GUCY1A2: variants seen among roughly 807,000 people sequenced by gnomAD.
GUCY1A2 encodes guanylate cyclase 1 soluble subunit alpha 2, also known as guanylate cyclase soluble subunit alpha-2.
Under a neutral mutation model 63.5 loss-of-function variants are expected in GUCY1A2, and 27 were observed. That is an observed-to-expected ratio of 0.43 (90% CI 0.31 to 0.59). The LOEUF is 0.59. Among genes scored for constraint, GUCY1A2 ranks in the 20% least tolerant of loss-of-function variants. The pLI, the probability that GUCY1A2 is intolerant of heterozygous loss-of-function variation, is 0.11. For missense variants in GUCY1A2, 768 were observed against 913.3 expected (o/e 0.84, Z 2.05); for synonymous variants, 364 against 343.5 (o/e 1.06, Z -0.66).
intron 3 of GUCY1A2, among the ~76,000 whole-genome samples, chr11:106,946,794 G>A (rs1042375982): frequency 6.6e-5 from 10 of 152,078 alleles, no homozygotes; most frequent in Admixed American, 5.2e-4. Context: ...TTGTAGTGAT[G>A]GTTGCAAAAC....
intron 4 of GUCY1A2, among the ~76,000 whole-genome samples, chr11:106,932,265 T>G (rs1860613522): frequency 6.6e-6 from 1 of 152,096 alleles, no homozygotes. Flanking sequence ...AAATAAGCAC[T>G]TTAAGCCTAT....
chr11:106,849,004 T>C (rs971433088), intron 4 of GUCY1A2, among the ~76,000 whole-genome samples: 2 of 151,652 alleles, frequency 1.3e-5, no homozygotes, highest in Non-Finnish European at 3.0e-5. Flanking sequence ...CCATTTTCTG[T>C]ACAAAAATGA....
chr11:106,773,191 A>T (rs11211909), intron 6 of GUCY1A2, among the ~76,000 whole-genome samples: 143,892 of 151,096 alleles, frequency 0.95, 68,589 homozygotes, highest in East Asian at 1. Context: ...CATTCCTTTT[A>T]TTTTTTACAC....
chr11:106,808,316 GATT>G (rs1858719579), intron 5 of GUCY1A2, among the ~76,000 whole-genome samples: 1 of 152,000 alleles, frequency 6.6e-6, no homozygotes, highest in African/African-American at 2.4e-5. Flanking sequence ...AAAACTTGTT[GATT>G]ATTATTCATG....
intron 5 of GUCY1A2, among the ~76,000 whole-genome samples, chr11:106,799,618 C>A (rs1212978418): frequency 6.6e-6 from 1 of 152,060 alleles, no homozygotes; most frequent in Admixed American, 6.6e-5. Flanking sequence ...TTTGACAAAC[C>A]TGACAAAAAC....
At chr11:106,822,095 T>C (rs891946365) in intron 4 of GUCY1A2, among the ~76,000 whole-genome samples, 2 of 152,112 alleles carry the variant, frequency 1.3e-5, no homozygotes, top group Admixed American at 6.5e-5. Flanking sequence ...TAAGCAGAAT[T>C]AAGAAAATTT....
chr11:106,719,860 T>G lies in GUCY1A2; in HGVS notation c.1837-11194A>C, dbSNP rs1243119969. On this transcript the variant is annotated intron_variant, in intron 6 of 7. Transcript: ENST00000526355. ...AATCACTTAATGTTTTACAGATATA[T>G]TCACAAATAATCAATACTGCAGGAT... Among the ~76,000 whole-genome samples, 6 of 152,198 alleles carry G rather than the reference T, an allele frequency of 3.9e-5. No individual in the cohort carries two copies. The East Asian group carries it at 1.2e-3, about 29-fold the overall frequency.
At chr11:106,735,237 T>C (rs374068403) in intron 6 of GUCY1A2, among the ~76,000 whole-genome samples, 16 of 152,264 alleles carry the variant, frequency 1.1e-4, no homozygotes, top group African/African-American at 3.9e-4. Context: ...ATCTTATTCA[T>C]TGTATCTAAG....
At chr11:106,919,322 G>A (rs1483024252) in intron 4 of GUCY1A2, among the ~76,000 whole-genome samples, 9 of 152,086 alleles carry the variant, frequency 5.9e-5, no homozygotes, top group Non-Finnish European at 8.8e-5. Flanking sequence ...GATGACTATA[G>A]TTAACAATAC....
intron 4 of GUCY1A2, among the ~76,000 whole-genome samples, chr11:106,930,103 G>A (rs1204020319): frequency 1.3e-5 from 2 of 152,136 alleles, no homozygotes; most frequent in Non-Finnish European, 2.9e-5. Flanking sequence ...AAACAACTAA[G>A]GGAATGTTTA....
chr11:106,762,323 C>T (rs866014174), intron 6 of GUCY1A2, among the ~76,000 whole-genome samples: 2 of 152,134 alleles, frequency 1.3e-5, no homozygotes, highest in Middle Eastern at 6.8e-3. Context: ...GAGATAAAAA[C>T]TATAATCATC....
chr11:106,970,320 T>C (rs946532704), intron 3 of GUCY1A2, among the ~76,000 whole-genome samples: 3 of 152,200 alleles, frequency 2.0e-5, no homozygotes, highest in African/African-American at 7.2e-5. Context: ...TTATTGTTAC[T>C]AAGCAAAAGA....
chr11:106,867,174 A>C (rs1462820304), intron 4 of GUCY1A2, among the ~76,000 whole-genome samples: 1 of 152,104 alleles, frequency 6.6e-6, no homozygotes, highest in Non-Finnish European at 1.5e-5. Context: ...TATGTTTATT[A>C]TAAAGATAGT....
In GUCY1A2 at chr11:106,687,764, G is replaced by T; in HGVS notation, c.1992-8C>A. 6.4e-7 allele frequency: 1 copy of T among 1,570,876 alleles called. No homozygotes were observed. The highest frequency in any genetic ancestry group is 8.8e-7 in the Non-Finnish European group (1 of 1,140,778). ...TCTTCTCGTTTTAATAATCTAAGAAGAAAATACAGAGCACATGAATCAAGT... is the reference window on the plus strand; with the variant it reads ...TCTTCTCGTTTTAATAATCTAAGAATAAAATACAGAGCACATGAATCAAGT... On this transcript the variant is annotated splice_polypyrimidine_tract_variant and splice_region_variant and intron_variant, in intron 7 of 7. Coordinates refer to ENST00000526355, the MANE Select transcript of GUCY1A2 (RefSeq NM_000855.3).
Position 106,687,297 on chromosome 11 carries a change from AAAATATATGTGT to A in GUCY1A2, c.*240_*251del. On this transcript the variant is annotated 3_prime_UTR_variant, in exon 8 of 8. Coordinates refer to ENST00000526355, the MANE Select transcript of GUCY1A2 (RefSeq NM_000855.3). ...TGAAAGGGGACCCACACTTGTAATT[AAAATATATGTGT>A]ATATATATGACCAAAACCACTCATA... The A allele has an allele frequency of 2.4e-6, 1 of 408,232 alleles. No homozygotes were observed. The highest frequency in any genetic ancestry group is 4.4e-6 in the Non-Finnish European group (1 of 228,576). The allele number at this position is 408,232 out of a possible 1,614,324, so 25.3% of individuals were successfully genotyped here. A position where few individuals can be genotyped will look rare whatever the true frequency, so the allele number is the denominator to read the frequency against.
At chr11:106,882,423 A>C (rs1859836916) in intron 4 of GUCY1A2, among the ~76,000 whole-genome samples, 1 of 152,028 alleles carries the variant, frequency 6.6e-6, no homozygotes, top group Non-Finnish European at 1.5e-5. Context: ...GTAAGAATTT[A>C]ATGGAGTCAA....
At chr11:106,816,212 T>C (rs898760193) in intron 4 of GUCY1A2, among the ~76,000 whole-genome samples, 2 of 98,420 alleles carry the variant, frequency 2.0e-5, no homozygotes, top group African/African-American at 3.9e-5. Flanking sequence ...ATGGAACATA[T>C]ACCGACCAAA....
At chr11:106,933,579 C>G (rs1196395940) in intron 4 of GUCY1A2, among the ~76,000 whole-genome samples, 1 of 152,170 alleles carries the variant, frequency 6.6e-6, no homozygotes, top group Non-Finnish European at 1.5e-5. Context: ...TTTGACCTAG[C>G]AATTGCATTA....
chr11:106,957,766 T>A (rs1304096907), intron 3 of GUCY1A2, among the ~76,000 whole-genome samples: 2 of 151,596 alleles, frequency 1.3e-5, no homozygotes. Flanking sequence ...CTTTTTTTTT[T>A]AAATCACTAA....
Sources: gnomAD v4.1 joint callset for allele counts (sites outside exome capture counted in the v4.1 genomes callset) on GRCh38, gnomAD v4.1.1 for gene constraint, MANE v1.5 for transcripts, NCBI Gene and HGNC (gene_info 2026-07-23, HGNC 2026-07-21) for gene names.